Variants in NDUFA9 observed in about 807,000 individuals in gnomAD.
NDUFA9 encodes the protein NADH:ubiquinone oxidoreductase subunit A9.
Under a neutral mutation model 45.9 loss-of-function variants are expected in NDUFA9, and 23 were observed. The observed-to-expected ratio is 0.50, with a 90% CI of 0.36 to 0.71. The LOEUF (loss-of-function observed/expected upper bound fraction) is 0.71. Ranked by LOEUF, NDUFA9 falls within the 30% of genes least tolerant of loss-of-function variation. The probability of loss-of-function intolerance (pLI) is 0.00; values close to 1 mark genes in which losing one functional copy is unlikely to be tolerated. For missense variants in NDUFA9, 466 were observed against 488.2 expected (o/e 0.95, Z 0.43); for synonymous variants, 176 against 170.5 (o/e 1.03, Z -0.25).
rs143660280 is a variant in NDUFA9 at position 4,653,040 on chromosome 12, C to T, written c.50-1252C>T. ...TGTACAAAGCACGAATGCTAAGCTC[C>T]GAAGTTTGTTGATTGGAGCAGAAGT... is the stretch of plus-strand genomic sequence containing the variant. On this transcript the variant is annotated intron_variant, in intron 1 of 10. Coordinates refer to ENST00000266544, the MANE Select transcript of NDUFA9 (RefSeq NM_005002.5). Among the ~76,000 whole-genome samples the T allele has an allele frequency of 4.1e-3, 625 of 152,344 alleles. 7 individuals carry two copies. Among genetic ancestry groups the T allele is most frequent in the African/African-American group, 0.014 (591 of 41,566 alleles).
At chr12:4,686,833 C>A in intron 10 of NDUFA9, 105 bp from the exon 11 acceptor site, 1 of 1,085,110 alleles carries the variant, frequency 9.2e-7, no homozygotes, top group Non-Finnish European at 1.3e-6. Context: ...AATTAAGTCT[C>A]AATAATAGGA....
rs537339457 is a variant in NDUFA9, at chr12:4,685,056, C to T, written c.897-203C>T. On this transcript the variant is annotated intron_variant, in intron 9 of 10. Transcript: ENST00000266544. ...GGAGAACAAAGTGTACCAGCAGTTA[C>T]AGCAGCCGACTGGGTTGGCTTGAGA... 126 of 689,530 alleles carry T rather than the reference C, an allele frequency of 1.8e-4. No individual in the cohort carries two copies. In the African/African-American group the frequency reaches 2.1e-3, roughly 12 times the overall value. The allele number at this position is 689,530 out of a possible 1,614,324, so 42.7% of individuals were successfully genotyped here. A position where few individuals can be genotyped will look rare whatever the true frequency, so the allele number is the denominator to read the frequency against.
intron 5 of NDUFA9, among the ~76,000 whole-genome samples, chr12:4,662,288 A>G (rs545052800): frequency 3.2e-4 from 48 of 152,354 alleles, no homozygotes; most frequent in African/African-American, 1.1e-3. Context: ...TCCTTCTTCA[A>G]TGTAAGCTTC....
At chr12:4,652,555 T>C (rs1274159250) in intron 1 of NDUFA9, among the ~76,000 whole-genome samples, 3 of 152,206 alleles carry the variant, frequency 2.0e-5, no homozygotes, top group Non-Finnish European at 4.4e-5. Flanking sequence ...ACTTTCAGCA[T>C]TTGGTAAAGT....
Position 4,685,268 on chromosome 12 carries a change from AAG to A in NDUFA9, c.909_910del (p.Arg303SerfsTer3), listed in dbSNP as rs1280321950. The A allele has an allele frequency of 6.2e-7, 1 of 1,613,756 alleles. No individual in the cohort carries two copies. The highest frequency in any genetic ancestry group is 1.3e-5 in the African/African-American group (1 of 74,926). ...GTATTTCTCTTTCCAGATGGGTAGC[AAG>A]AGTCTTTGAAATAAGCCCATTTGAG... ...LPLFAYRWVARVFEISPFEPW... is the reference protein window; with the variant it reads ...LPLFAYRWVAXVFEISPFEPW... On this transcript the variant is annotated frameshift_variant, in exon 10 of 11. Coordinates refer to ENST00000266544, the MANE Select transcript of NDUFA9 (RefSeq NM_005002.5). LOFTEE classifies it high-confidence loss of function.
chr12:4,685,182 T>G (rs1433976141), intron 9 of NDUFA9, 77 bp from the exon 10 acceptor site: 4 of 1,290,076 alleles, frequency 3.1e-6, no homozygotes, highest in Non-Finnish European at 4.5e-6. Context: ...TCTGTCTTCC[T>G]GCAGTTCTCA....
chr12:4,674,633 A>G (rs2137479546), intron 8 of NDUFA9, among the ~76,000 whole-genome samples: 1 of 152,358 alleles, frequency 6.6e-6, no homozygotes, highest in Middle Eastern at 3.4e-3. Flanking sequence ...TCCTGAATAT[A>G]TATGCTCCCA....
intron 6 of NDUFA9, among the ~76,000 whole-genome samples, chr12:4,667,160 C>T (rs1011158707): frequency 1.3e-4 from 20 of 152,146 alleles, no homozygotes; most frequent in Admixed American, 1.3e-4. Flanking sequence ...AATGCTATGT[C>T]CCCACATGGC....
At chr12:4,682,092 A>G (rs1662266717) in intron 8 of NDUFA9, 113 bp from the exon 9 acceptor site, 3 of 665,640 alleles carry the variant, frequency 4.5e-6, no homozygotes, top group Non-Finnish European at 7.7e-6. Context: ...GCTATTCTGT[A>G]TCTACTACAG....
intron 6 of NDUFA9, among the ~76,000 whole-genome samples, chr12:4,665,252 C>A (rs1945846440): frequency 1.3e-5 from 2 of 152,168 alleles, no homozygotes; most frequent in Admixed American, 6.5e-5. Flanking sequence ...CTGTTCCCTC[C>A]TTCCCCCCAG....
intron 1 of NDUFA9, among the ~76,000 whole-genome samples, chr12:4,650,090 A>C (rs1179812990): frequency 6.6e-6 from 1 of 152,258 alleles, no homozygotes; most frequent in Non-Finnish European, 1.5e-5. Context: ...AATCACTCGT[A>C]AAGCTTTATA....
In NDUFA9 at chr12:4,686,563, T is replaced by C. The variant is rs187149803; in HGVS notation, c.964-375T>C. Among the ~76,000 whole-genome samples, 29 of 152,236 alleles carry C rather than the reference T, an allele frequency of 1.9e-4. No individual in the cohort carries two copies. The East Asian group carries it at 5.6e-3, about 29-fold the overall frequency. On this transcript the variant is annotated intron_variant, in intron 10 of 10. Transcript: ENST00000266544. ...GAATGGACCAGCTCTGCTTAAGCCC[T>C]GATTTTATTCCTAAACCCTCCTGTT...
At chr12:4,677,995 G>C (rs757050068) in intron 8 of NDUFA9, among the ~76,000 whole-genome samples, 2 of 152,260 alleles carry the variant, frequency 1.3e-5, no homozygotes, top group East Asian at 3.9e-4. Flanking sequence ...CCTTTGCAGG[G>C]ACATGGATGA....
chr12:4,683,940 C>T (rs1161411368), intron 9 of NDUFA9, among the ~76,000 whole-genome samples: 1 of 152,152 alleles, frequency 6.6e-6, no homozygotes, highest in Non-Finnish European at 1.5e-5. Context: ...AAAATGTCTA[C>T]AAATGACCAT....
At chr12:4,686,597 C>T (rs1945988168) in intron 10 of NDUFA9, among the ~76,000 whole-genome samples, 1 of 152,058 alleles carries the variant, frequency 6.6e-6, no homozygotes, top group Non-Finnish European at 1.5e-5. Flanking sequence ...TTCAGCCTCC[C>T]CTGGCAAGTG....
At chr12:4,666,890 A>C (rs997627954) in intron 6 of NDUFA9, among the ~76,000 whole-genome samples, 2 of 152,138 alleles carry the variant, frequency 1.3e-5, no homozygotes, top group Non-Finnish European at 2.9e-5. Context: ...TTTAGGATGG[A>C]GTTTTCTATA....
chr12:4,662,613 T>C lies in NDUFA9; in HGVS notation c.633T>C (p.Asp211=). ...VKPSDIFGRE[D]RFLNSFASMH... ...CGTCGGACATCTTTGGAAGAGAGGA[T>C]AGATTCCTTAATTCTTTTGCAAGTA... Residue 211 remains aspartate, a synonymous_variant, in exon 6 of 11, where the codon GAT becomes GAC. Coordinates refer to ENST00000266544, the MANE Select transcript of NDUFA9 (RefSeq NM_005002.5). 6.2e-7 allele frequency: 1 copy of C among 1,613,640 alleles called. No homozygotes were observed. Among genetic ancestry groups the C allele is most frequent in the Non-Finnish European group, 8.5e-7 (1 of 1,179,592 alleles).
Position 4,654,902 on chromosome 12 carries a change from C to G in NDUFA9, c.298C>G (p.Leu100Val). 1 of 1,613,580 alleles carries G rather than the reference C, an allele frequency of 6.2e-7. No homozygotes were observed. The highest frequency in any genetic ancestry group is 2.2e-5 in the East Asian group (1 of 44,876). Residue 100 changes from leucine to valine, a missense_variant, in exon 3 of 11, where the codon CTG (leucine) becomes GTG (valine). Leu to Val is a conservative substitution (Grantham distance 32, BLOSUM62 1). Coordinates refer to ENST00000266544, the MANE Select transcript of NDUFA9 (RefSeq NM_005002.5). ...DIMHLRPMGD[L>V]GQLLFLEWDA... is the part of the protein sequence containing the mutation. ...CATGCACCTTCGTCCCATGGGTGAC[C>G]TGGGCCAGCTTCTGTTTCTGGTAAG...
chr12:4,672,398 T>G (rs1945892696), intron 8 of NDUFA9, among the ~76,000 whole-genome samples: 1 of 152,062 alleles, frequency 6.6e-6, no homozygotes, highest in South Asian at 2.1e-4. Context: ...TTCACTCCCC[T>G]GGAAAGTGGG....
Sources: allele counts gnomAD v4.1 joint callset (sites outside exome capture counted in the v4.1 genomes callset), GRCh38; gene constraint gnomAD v4.1.1; transcripts MANE v1.5; gene names NCBI Gene and HGNC (gene_info 2026-07-23, HGNC 2026-07-21).